The following TANC1 variants were observed in gnomAD, a reference collection of about 807,000 sequenced individuals.
The protein encoded by TANC1 is protein TANC1.
A neutral mutation model predicts 149.7 loss-of-function variants in TANC1; 77 were observed. The observed-to-expected ratio is 0.51, with a 90% CI of 0.43 to 0.62. TANC1 has a LOEUF of 0.62. Among genes scored for constraint, TANC1 ranks in the 20% least tolerant of loss-of-function variants. TANC1 has a pLI of 0.00. For synonymous variants in TANC1, 854 were observed against 925.0 expected (o/e 0.92, Z 1.39); for missense variants, 1,985 against 2,321.8 (o/e 0.85, Z 2.98).
At position 159,144,569 on chromosome 2, in the gene TANC1, G is replaced by A. The variant is rs993785046; in HGVS notation, c.365-4573G>A. Among the ~76,000 whole-genome samples, 17 of 152,170 alleles carry A rather than the reference G, an allele frequency of 1.1e-4. 1 individual carries two copies. The highest frequency in any genetic ancestry group is 7.9e-4 in the Admixed American group (12 of 15,276). ...TTTTTTGTATTTTTAGTAGAGACAG[G>A]GTTTCACCATGTTGGCCAGGCTGCT... On this transcript the variant is annotated intron_variant, in intron 5 of 26. Coordinates refer to ENST00000263635, the MANE Select transcript of TANC1 (RefSeq NM_033394.3).
In TANC1 at chr2:159,150,407, C is replaced by T. The variant is rs1394607304; in HGVS notation, c.533C>T (p.Thr178Ile). The change falls in exon 7 of 27, where the codon ACA (threonine) becomes ATA (isoleucine). Residue 178 changes from threonine to isoleucine, a missense_variant. Around this residue, in one of 3 missense-constraint regions of TANC1, gnomAD observed 557 missense variants for 612.9 expected, o/e 0.91. Transcript: ENST00000263635. ...AGTCAAGGCATCAGTCCTTGCTCCA[C>T]ACTAACAAGCAGCACCGCATCTCCT... ...ALSQGISPCSTLTSSTASPST... is the reference protein window; with the variant it reads ...ALSQGISPCSILTSSTASPST... The T allele has an allele frequency of 6.2e-7, 1 of 1,614,192 alleles. No homozygotes were observed. Among genetic ancestry groups the T allele is most frequent in the South Asian group, 1.1e-5 (1 of 91,080 alleles).
rs184327655 is a variant in TANC1, at chr2:159,091,378, C to G, written c.62-6259C>G. On this transcript the variant is annotated intron_variant, in intron 3 of 26. Transcript: ENST00000263635. ...TGTATAATGCACCCAGAACCCTGTC[C>G]TGGCACCTAATACATCTAAAAAATA... Among the ~76,000 whole-genome samples, 169 of 152,310 alleles carry G rather than the reference C, an allele frequency of 1.1e-3. 1 individual carries two copies. Among genetic ancestry groups the G allele is most frequent in the Non-Finnish European group, 1.2e-3 (79 of 68,030 alleles).
chr2:159,064,786 C>T (rs1357300774), intron 2 of TANC1, among the ~76,000 whole-genome samples: 1 of 152,296 alleles, frequency 6.6e-6, no homozygotes, highest in African/African-American at 2.4e-5. Context: ...ACTCTGGGGG[C>T]TGAGAGGTGG....
chr2:159,146,050 A>G (rs1031275876), intron 5 of TANC1, among the ~76,000 whole-genome samples: 8 of 152,236 alleles, frequency 5.3e-5, no homozygotes, highest in Non-Finnish European at 1.0e-4. Flanking sequence ...TAACTAGCCT[A>G]AAACCATCTG....
chr2:159,223,255 G>T (rs2059812703), intron 22 of TANC1, among the ~76,000 whole-genome samples: 1 of 152,202 alleles, frequency 6.6e-6, no homozygotes, highest in Non-Finnish European at 1.5e-5. Context: ...AGACCTGGCA[G>T]TGGAAGCCAT....
At position 159,230,117 on chromosome 2, in the gene TANC1, G is replaced by A; in HGVS notation, c.4691G>A (p.Ser1564Asn). The A allele has an allele frequency of 2.5e-6, 4 of 1,613,998 alleles. No homozygotes were observed. The highest frequency in any genetic ancestry group is 2.2e-5 in the East Asian group (1 of 44,862). Residue 1564 changes from serine (S) to asparagine (N), a missense_variant, in exon 27 of 27, where the codon AGT becomes AAT. Physicochemically the swap from Ser to Asn is conservative, Grantham distance 46. Around this residue, in one of 3 missense-constraint regions of TANC1, gnomAD observed 920 missense variants for 994.7 expected, o/e 0.92. Transcript: ENST00000263635. This position sits in a 1 kb window ranked among gnomAD's most constrained non-coding sequence, Gnocchi z 4.4. ...ATCTCTTCTCAGAACCCTCCTCCAAGTCCCATGCCAGGGAGAATCGCTGCC... is the reference window on the plus strand; with the variant it reads ...ATCTCTTCTCAGAACCCTCCTCCAAATCCCATGCCAGGGAGAATCGCTGCC... ...VQISSQNPPP[S>N]PMPGRIAATP...
Position 159,229,972 on chromosome 2 carries a change from G to A in TANC1, c.4546G>A (p.Glu1516Lys). 1.9e-6 allele frequency: 3 copies of A among 1,614,058 alleles called. No homozygotes were observed. The highest frequency in any genetic ancestry group is 2.5e-6 in the Non-Finnish European group (3 of 1,180,050). The change falls in exon 27 of 27, where the codon GAG (glutamate) becomes AAG (lysine). Residue 1516 changes from glutamate (E) to lysine (K), a missense_variant. Physicochemically the swap from Glu to Lys is moderately conservative, Grantham distance 56. Coordinates refer to ENST00000263635, the MANE Select transcript of TANC1 (RefSeq NM_033394.3). ...SRAGIGKSLR[E>K]PVAQPGLLLQ... ...GGCAGGAATCGGCAAGTCCCTGAGA[G>A]AGCCTGTGGCCCAGCCAGGGCTGCT...
chr2:158,992,595 A>G (rs1280254142), intron 1 of TANC1, among the ~76,000 whole-genome samples: 1 of 151,396 alleles, frequency 6.6e-6, no homozygotes, highest in African/African-American at 2.4e-5. Context: ...TTCTGCCTCC[A>G]GGGTTCATGC....
At chr2:159,030,922 G>A (rs1039662399) in intron 2 of TANC1, among the ~76,000 whole-genome samples, 6 of 152,128 alleles carry the variant, frequency 3.9e-5, no homozygotes, top group African/African-American at 1.4e-4. Flanking sequence ...AAGGGGCTGA[G>A]GTCTTCAGGG....
intron 1 of TANC1, among the ~76,000 whole-genome samples, chr2:158,983,477 A>AAACAAAAAAAAAAAAAAAC (rs1559098753): frequency 6.6e-6 from 1 of 151,090 alleles, no homozygotes; most frequent in African/African-American, 2.4e-5. Context: ...CCAAAAAAAA[A>AAACAAAAAAAAAAAAAAAC]AAAAAAAAAA....
chr2:158,970,050 G>A (rs2032611977), intron 1 of TANC1, among the ~76,000 whole-genome samples: 1 of 151,890 alleles, frequency 6.6e-6, no homozygotes, highest in South Asian at 2.1e-4. Context: ...GGAAGTTCCT[G>A]GTTCAGAATC....
chr2:159,093,009 A>G (rs2045709938), intron 3 of TANC1, among the ~76,000 whole-genome samples: 1 of 152,198 alleles, frequency 6.6e-6, no homozygotes, highest in South Asian at 2.1e-4. Context: ...CATCTGAGAC[A>G]GTGTGATTGC....
intron 1 of TANC1, among the ~76,000 whole-genome samples, chr2:159,000,706 A>T (rs375974671): frequency 1.3e-5 from 2 of 151,824 alleles, no homozygotes; most frequent in Non-Finnish European, 2.9e-5. Context: ...GAGAGCAAGG[A>T]CCTCAGGAGG....
intron 4 of TANC1, among the ~76,000 whole-genome samples, chr2:159,116,430 AAACAAC>A (rs70994264): frequency 8.1e-5 from 12 of 148,708 alleles, no homozygotes; most frequent in South Asian, 4.3e-4. Context: ...CAGTCTCAAA[AAACAAC>A]AACAACAACA....
intron 1 of TANC1, among the ~76,000 whole-genome samples, chr2:158,985,736 C>T (rs566444862): frequency 7.9e-5 from 12 of 152,204 alleles, no homozygotes; most frequent in East Asian, 7.7e-4. Context: ...CTCCACCTCC[C>T]GGGTTCAAGC....
intron 4 of TANC1, among the ~76,000 whole-genome samples, chr2:159,107,736 C>G (rs767893135): frequency 6.6e-6 from 1 of 152,176 alleles, no homozygotes; most frequent in Admixed American, 6.5e-5. Context: ...AGGAGTTGAC[C>G]GTGGGTATGG....
intron 2 of TANC1, among the ~76,000 whole-genome samples, chr2:159,014,551 C>G (rs936008078): frequency 8.5e-5 from 13 of 152,156 alleles, no homozygotes; most frequent in African/African-American, 3.1e-4. Context: ...CATTGCCTTC[C>G]CAATAGTCCC....
At chr2:159,191,092 T>C (rs966483585) in intron 16 of TANC1, among the ~76,000 whole-genome samples, 1 of 152,170 alleles carries the variant, frequency 6.6e-6, no homozygotes, top group Non-Finnish European at 1.5e-5. Context: ...AGAGGCTGGG[T>C]TGGTGTTCAC....
chr2:159,213,372 T>C (rs1265840790), intron 19 of TANC1, among the ~76,000 whole-genome samples: 1 of 151,646 alleles, frequency 6.6e-6, no homozygotes, highest in Admixed American at 6.6e-5. Context: ...AGAGTATAGA[T>C]AGGATCACAT....
Sources: gnomAD v4.1 joint callset for allele counts (sites outside exome capture counted in the v4.1 genomes callset) on GRCh38, gnomAD v4.1.1 for gene constraint, gnomAD v4.1.1 regional missense constraint, Gnocchi (gnomAD v3.1) non-coding constraint, MANE v1.5 for transcripts, NCBI Gene and HGNC (gene_info 2026-07-23, HGNC 2026-07-21) for gene names.